The following SENP7 variants were observed in gnomAD, a reference collection of about 807,000 sequenced individuals.
SENP7 encodes the protein sentrin-specific protease 7.
In SENP7, 64 loss-of-function variants were observed where a neutral mutation model predicts 141.2. The ratio of observed to expected loss-of-function variants is 0.45; its 90% CI spans 0.37 to 0.56. The LOEUF is 0.56. Ranked by LOEUF, SENP7 falls within the 20% of genes least tolerant of loss-of-function variation. The pLI is 0.00. For missense variants in SENP7, 1,025 were observed against 1,212.2 expected (o/e 0.85, Z 2.29); for synonymous variants, 382 against 426.4 (o/e 0.90, Z 1.28).
intron 22 of SENP7, 80 bp from the exon 23 acceptor site, chr3:101,327,896 C>T: frequency 8.4e-7 from 1 of 1,197,572 alleles, no homozygotes; most frequent in South Asian, 1.6e-5. Context: ...GGCGGAAAAA[C>T]ATTTGTTGCC....
intron 4 of SENP7, among the ~76,000 whole-genome samples, chr3:101,455,693 T>C (rs1227888476): frequency 6.6e-6 from 1 of 152,188 alleles, no homozygotes; most frequent in Admixed American, 6.5e-5. Context: ...CAAGAGAATT[T>C]TACAAAATTC....
chr3:101,477,841 T>A (rs1354089142), intron 3 of SENP7, among the ~76,000 whole-genome samples: 36 of 141,644 alleles, frequency 2.5e-4, no homozygotes, highest in African/African-American at 8.7e-4. Flanking sequence ...GCAGAGTGAG[T>A]CTCCATCTCA....
At chr3:101,462,093 A>T (rs2063565027) in intron 3 of SENP7, among the ~76,000 whole-genome samples, 1 of 152,242 alleles carries the variant, frequency 6.6e-6, no homozygotes, top group Non-Finnish European at 1.5e-5. Context: ...TTCTGAAACT[A>T]GACAGAGAAA....
chr3:101,398,377 T>C (rs778700407), intron 6 of SENP7, among the ~76,000 whole-genome samples: 6 of 152,156 alleles, frequency 3.9e-5, no homozygotes, highest in Non-Finnish European at 7.3e-5. Flanking sequence ...GGAGAATCGC[T>C]TGAACCTGGG....
At chr3:101,511,719 CATA>C (rs2065865179) in intron 1 of SENP7, among the ~76,000 whole-genome samples, 3 of 152,318 alleles carry the variant, frequency 2.0e-5, no homozygotes, top group African/African-American at 7.2e-5. Flanking sequence ...CCCAGAGATC[CATA>C]ATCACTCTCC....
At chr3:101,452,409 C>A (rs1462021106) in intron 4 of SENP7, among the ~76,000 whole-genome samples, 2 of 152,146 alleles carry the variant, frequency 1.3e-5, no homozygotes, top group Non-Finnish European at 2.9e-5. Flanking sequence ...ATTGCCAAGA[C>A]AATCCTAAGC....
Position 101,364,814 on chromosome 3 carries a change from A to T in SENP7, c.1476+20T>A, listed in dbSNP as rs2059993256. 6.6e-7 allele frequency: 1 copy of T among 1,507,002 alleles called. No individual in the cohort carries two copies. The highest frequency in any genetic ancestry group is 1.9e-5 in the Admixed American group (1 of 51,892). The allele number at this position is 1,507,002 out of a possible 1,614,324, so 93.4% of individuals were successfully genotyped here. A position where few individuals can be genotyped will look rare whatever the true frequency, so the allele number is the denominator to read the frequency against. On this transcript the variant is annotated intron_variant, in intron 10 of 23. Transcript: ENST00000394095. ...GTGTACATTTCATTGTTAATCTATG[A>T]GAAGACAGAAATAAATTACCTGTAC...
At position 101,366,544 on chromosome 3, in the gene SENP7, T is replaced by C. The variant is rs1303218844; in HGVS notation, c.1204A>G (p.Ile402Val). The C allele has an allele frequency of 2.5e-6, 4 of 1,613,680 alleles. No homozygotes were observed. Among genetic ancestry groups the C allele is most frequent in the Non-Finnish European group, 3.4e-6 (4 of 1,179,748 alleles). Residue 402 changes from isoleucine (I) to valine (V), a missense_variant, in exon 9 of 24, where the codon ATT (isoleucine) becomes GTT (valine). Ile to Val is a conservative substitution (Grantham distance 29, BLOSUM62 3). Around this residue, in one of 4 missense-constraint regions of SENP7, gnomAD observed 496 missense variants for 503.5 expected, o/e 0.99. Transcript: ENST00000394095. ...ETVENSNSID[I>V]VGISSLVEKD... ...TCAACCAGGGAAGAAATCCCCACAA[T>C]ATCAATGGAATTAGAGTTCTCAACG...
intron 11 of SENP7, chr3:101,357,666 C>G (rs1317748750): frequency 4.0e-6 from 3 of 752,492 alleles, no homozygotes; most frequent in Non-Finnish European, 7.2e-6. Context: ...TTGACAACTA[C>G]CCAGAGAAAA....
At chr3:101,388,271 C>T (rs1425985865) in intron 6 of SENP7, among the ~76,000 whole-genome samples, 1 of 152,172 alleles carries the variant, frequency 6.6e-6, no homozygotes, top group African/African-American at 2.4e-5. Context: ...GCCACCACCA[C>T]CACAGGTATC....
At chr3:101,479,921 A>AACAC (rs1553751527) in intron 3 of SENP7, among the ~76,000 whole-genome samples, 5,446 of 72,276 alleles carry the variant, frequency 0.075, 495 homozygotes, top group Non-Finnish European at 0.11. Flanking sequence ...AAAAAAAAAA[A>AACAC]ACACACACAC....
chr3:101,354,607 T>C (rs150931348), intron 11 of SENP7, among the ~76,000 whole-genome samples: 188 of 152,206 alleles, frequency 1.2e-3, no homozygotes, highest in African/African-American at 4.3e-3. Context: ...CCTAGCTGCA[T>C]AGTACTCCCA....
intron 5 of SENP7, among the ~76,000 whole-genome samples, chr3:101,407,438 T>G (rs2061336373): frequency 6.6e-6 from 1 of 152,164 alleles, no homozygotes; most frequent in Non-Finnish European, 1.5e-5. Context: ...CAAATGGACT[T>G]AATGGATATA....
chr3:101,466,920 C>G (rs753894217), intron 3 of SENP7, among the ~76,000 whole-genome samples: 3 of 152,170 alleles, frequency 2.0e-5, no homozygotes, highest in Admixed American at 6.5e-5. Context: ...AGGGGACTTC[C>G]CTTTCCTAGC....
chr3:101,346,342 G>A (rs2059453297), intron 13 of SENP7, among the ~76,000 whole-genome samples: 2 of 152,176 alleles, frequency 1.3e-5, no homozygotes, highest in South Asian at 4.1e-4. Context: ...CACTATGGAA[G>A]AGTGTGGAGA....
intron 17 of SENP7, among the ~76,000 whole-genome samples, chr3:101,334,742 T>C (rs1049856514): frequency 1.3e-5 from 2 of 152,242 alleles, no homozygotes; most frequent in African/African-American, 4.8e-5. Flanking sequence ...ATCTTAAGGA[T>C]AGACATCTGG....
intron 7 of SENP7, among the ~76,000 whole-genome samples, chr3:101,371,265 T>C (rs1299897068): frequency 6.6e-6 from 1 of 152,116 alleles, no homozygotes; most frequent in Non-Finnish European, 1.5e-5. Context: ...ATCATGCCAC[T>C]GTACACCAGC....
At chr3:101,434,805 G>C (rs2107734710) in intron 4 of SENP7, among the ~76,000 whole-genome samples, 1 of 152,130 alleles carries the variant, frequency 6.6e-6, no homozygotes, top group African/African-American at 2.4e-5. Context: ...GAAAGCCCGG[G>C]ACCCAATGGG....
At chr3:101,512,750 G>T (rs1387280302) in intron 1 of SENP7, among the ~76,000 whole-genome samples, 3 of 152,210 alleles carry the variant, frequency 2.0e-5, no homozygotes, top group African/African-American at 7.2e-5. Context: ...AATGAAATTG[G>T]AACATTGGTG....
Sources: gnomAD v4.1 joint callset for allele counts (sites outside exome capture counted in the v4.1 genomes callset) on GRCh38, gnomAD v4.1.1 for gene constraint, gnomAD v4.1.1 regional missense constraint, MANE v1.5 for transcripts, NCBI Gene and HGNC (gene_info 2026-07-23, HGNC 2026-07-21) for gene names.